XRCC4: variants seen among roughly 807,000 people sequenced by gnomAD.
The protein encoded by XRCC4 is DNA repair protein XRCC4.
XRCC4 carries 28 observed loss-of-function variants against 39.1 expected under a neutral mutation model. That is an observed-to-expected ratio of 0.72 (90% confidence interval 0.53 to 0.98). The LOEUF (loss-of-function observed/expected upper bound fraction) is 0.98. XRCC4 is among the 50% of genes least tolerant of loss of function. XRCC4 has a pLI of 0.00. For synonymous variants in XRCC4, 123 were observed against 126.4 expected (o/e 0.97, Z 0.18); for missense variants, 350 against 376.4 (o/e 0.93, Z 0.58).
At chr5:83,103,005 A>G (rs1475598320) in intron 1 of XRCC4, among the ~76,000 whole-genome samples, 1 of 27,902 alleles carries the variant, frequency 3.6e-5, no homozygotes, top group Non-Finnish European at 6.4e-5. Context: ...GTAAAGATAG[A>G]GCTGATATAT....
intron 2 of XRCC4, among the ~76,000 whole-genome samples, chr5:83,106,658 G>A (rs894194754): frequency 4.0e-5 from 6 of 151,540 alleles, no homozygotes; most frequent in Admixed American, 3.3e-4. Context: ...GGAACATTTC[G>A]TTTATATCAT....
At chr5:83,361,872 C>T in the XRCC4 span, among the ~76,000 whole-genome samples, 1 of 152,024 alleles carries the variant, frequency 6.6e-6, no homozygotes. Context: ...TAACTCTTTA[C>T]AAGAATTTCC....
At chr5:83,343,783 G>A (rs1756833201) in intron 7 of XRCC4, among the ~76,000 whole-genome samples, 2 of 152,078 alleles carry the variant, frequency 1.3e-5, no homozygotes, top group Non-Finnish European at 2.9e-5. Context: ...AACTCACCCA[G>A]TTGCCTTATA....
intron 6 of XRCC4, among the ~76,000 whole-genome samples, chr5:83,222,464 T>C (rs1294420113): frequency 6.6e-6 from 1 of 152,188 alleles, no homozygotes; most frequent in African/African-American, 2.4e-5. Context: ...GTCAGCATTA[T>C]GTATATCTGT....
chr5:83,231,648 C>T (rs1275152617), intron 6 of XRCC4, among the ~76,000 whole-genome samples: 2 of 152,084 alleles, frequency 1.3e-5, no homozygotes, highest in African/African-American at 4.8e-5. Context: ...AGCACTGTCA[C>T]ATTGCTAAAC....
At chr5:83,118,196 G>A (rs1262883514) in intron 3 of XRCC4, among the ~76,000 whole-genome samples, 2 of 151,880 alleles carry the variant, frequency 1.3e-5, no homozygotes, top group Non-Finnish European at 2.9e-5. Context: ...ATAGCATAGA[G>A]GTTTATTTTT....
At chr5:83,177,815 C>G (rs1356550123) in intron 3 of XRCC4, among the ~76,000 whole-genome samples, 1 of 152,032 alleles carries the variant, frequency 6.6e-6, no homozygotes. Flanking sequence ...GACCAAGAAG[C>G]CTTGTGGGCC....
intron 3 of XRCC4, among the ~76,000 whole-genome samples, chr5:83,152,251 G>GT (rs1748738236): frequency 6.6e-6 from 1 of 152,198 alleles, no homozygotes; most frequent in Admixed American, 6.5e-5. Flanking sequence ...TTAAATTAGT[G>GT]TTTAAGGTTT....
At chr5:83,086,594 CTGGCAGAGG>C (rs779549624) in intron 1 of XRCC4, among the ~76,000 whole-genome samples, 170 of 152,140 alleles carry the variant, frequency 1.1e-3, no homozygotes, top group Middle Eastern at 0.01. Flanking sequence ...TGTCTCTGGG[CTGGCAGAGG>C]TGGCAGAGGT....
At chr5:83,119,968 G>A (rs555564985) in intron 3 of XRCC4, among the ~76,000 whole-genome samples, 5 of 144,900 alleles carry the variant, frequency 3.5e-5, no homozygotes, top group African/African-American at 7.7e-5. Flanking sequence ...TCCAGCCTGG[G>A]TGACAGAGAC....
chr5:83,091,735 A>G (rs1225058404), intron 1 of XRCC4, among the ~76,000 whole-genome samples: 4 of 152,210 alleles, frequency 2.6e-5, no homozygotes, highest in South Asian at 2.1e-4. Flanking sequence ...CATTGTGTGT[A>G]GATGAATTTT....
Position 83,190,050 on chromosome 5 carries a change from C to T in XRCC4, c.316-5720C>T, listed in dbSNP as rs1021727523. Among the ~76,000 whole-genome samples the T allele has an allele frequency of 4.0e-5, 6 of 151,792 alleles. No homozygotes were observed. In the East Asian group the frequency reaches 5.8e-4, roughly 15 times the overall value. On this transcript the variant is annotated intron_variant, in intron 3 of 7. Coordinates refer to ENST00000396027, the MANE Select transcript of XRCC4 (RefSeq NM_003401.5). ...GTGCACTCCAGCCTGCGTGACAGAG[C>T]GAGAATCTGTCTCAAAAAAATAAAA...
the XRCC4 span, among the ~76,000 whole-genome samples, chr5:83,362,027 C>T: frequency 6.6e-6 from 1 of 151,966 alleles, no homozygotes; most frequent in African/African-American, 2.4e-5. Context: ...CTTTCTTTTG[C>T]TCATCTCTTT....
chr5:83,316,699 A>C (rs1418724890), intron 7 of XRCC4, among the ~76,000 whole-genome samples: 8 of 121,738 alleles, frequency 6.6e-5, no homozygotes, highest in African/African-American at 1.3e-4. Context: ...CCAGATTCAT[A>C]AAGCAAGTCC....
At chr5:83,152,850 A>G (rs1748780152) in intron 3 of XRCC4, among the ~76,000 whole-genome samples, 2 of 152,142 alleles carry the variant, frequency 1.3e-5, no homozygotes, top group African/African-American at 4.8e-5. Context: ...CTACAGTACA[A>G]TATCACAACC....
intron 3 of XRCC4, among the ~76,000 whole-genome samples, chr5:83,128,821 G>A (rs1240068932): frequency 1.3e-5 from 2 of 152,080 alleles, no homozygotes; most frequent in Non-Finnish European, 2.9e-5. Flanking sequence ...TGATGGGGTT[G>A]TTTGATTTTT....
intron 6 of XRCC4, among the ~76,000 whole-genome samples, chr5:83,221,489 C>CT (rs1752081645): frequency 6.6e-6 from 1 of 152,080 alleles, no homozygotes; most frequent in African/African-American, 2.4e-5. Context: ...ATAGAACACT[C>CT]TAATTTATTA....
chr5:83,140,246 C>T (rs1748101437), intron 3 of XRCC4, among the ~76,000 whole-genome samples: 1 of 152,116 alleles, frequency 6.6e-6, no homozygotes, highest in Non-Finnish European at 1.5e-5. Flanking sequence ...AGACTCAGTC[C>T]AAAAGCCTCA....
chr5:83,078,098 G>A (rs10474079), intron 1 of XRCC4, among the ~76,000 whole-genome samples: 12,929 of 152,280 alleles, frequency 0.085, 744 homozygotes, highest in Non-Finnish European at 0.12. Flanking sequence ...TAACCAATGG[G>A]AAGGAACTGC....
Sources: gnomAD v4.1 joint callset for allele counts (sites outside exome capture counted in the v4.1 genomes callset) on GRCh38, gnomAD v4.1.1 for gene constraint, MANE v1.5 for transcripts, NCBI Gene and HGNC (gene_info 2026-07-23, HGNC 2026-07-21) for gene names.